Variants in SLC8B1 observed in about 807,000 individuals in gnomAD.
SLC8B1 encodes the protein mitochondrial sodium/calcium exchanger protein.
In SLC8B1, 52 loss-of-function variants were observed where a neutral mutation model predicts 63.4. The ratio of observed to expected loss-of-function variants is 0.82; its 90% CI spans 0.66 to 1.03. The LOEUF (loss-of-function observed/expected upper bound fraction) is 1.03, where lower values mean the gene tolerates loss of function less well. Ranked by LOEUF, SLC8B1 falls within the 50% of genes least tolerant of loss-of-function variation. The pLI is 0.00. For synonymous variants in SLC8B1, 336 were observed against 323.9 expected, an observed-to-expected ratio of 1.04 and a Z score of -0.40; for missense variants, 657 against 741.7, an observed-to-expected ratio of 0.89 and a Z score of 1.33.
At position 113,333,025 on chromosome 12, in the gene SLC8B1, C is replaced by A. The variant is rs892358838; in HGVS notation, c.-82-65G>T. 3.1e-6 allele frequency: 3 copies of A among 976,394 alleles called. No individual in the cohort carries two copies. The African/African-American group carries it at 4.9e-5, about 16-fold the overall frequency. 60.5% of individuals were successfully genotyped at this position (976,394 alleles called of 1,614,324 possible). A position where few individuals can be genotyped will look rare whatever the true frequency, so the allele number is the denominator to read the frequency against. The stretch of plus-strand genomic sequence containing the variant: ...AAACCCATGGACACAGCAAAAGGGG[C>A]TGGAAGACTCTAGTTAAGGAACTGC... On this transcript the variant is annotated intron_variant, in intron 1 of 15. Transcript: ENST00000680972.
In SLC8B1 at chr12:113,333,662, C is replaced by A. The variant is rs1359670879; in HGVS notation, c.-82-702G>T. On this transcript the variant is annotated intron_variant, in intron 1 of 15. Transcript: ENST00000680972. ...CTGGAAATGTCACCCCCCCGCCCCC[C>A]ACCCCACCCTGCACAGCAGGGAGAG... is the stretch of plus-strand genomic sequence containing the variant. Among the ~76,000 whole-genome samples, 4 of 152,108 alleles carry A rather than the reference C, an allele frequency of 2.6e-5. 1 individual carries two copies. The East Asian group carries it at 7.8e-4, about 30-fold the overall frequency.
At chr12:113,318,120 T>G in intron 8 of SLC8B1, among the ~76,000 whole-genome samples, 1 of 152,224 alleles carries the variant, frequency 6.6e-6, no homozygotes. Context: ...AAGTGTGTTG[T>G]GTATCTGTGT....
chr12:113,316,065 A>C (rs949999881), intron 10 of SLC8B1, among the ~76,000 whole-genome samples: 2 of 152,148 alleles, frequency 1.3e-5, no homozygotes, highest in Non-Finnish European at 1.5e-5. Flanking sequence ...TCTACTAAAA[A>C]TACAAAAAAT....
rs73192845 is a variant in SLC8B1 at position 113,299,462 on chromosome 12, C to G, written c.*315G>C. The G allele has an allele frequency of 8.6e-6, 3 of 347,828 alleles. No individual in the cohort carries two copies. Among genetic ancestry groups the G allele is most frequent in the Non-Finnish European group, 1.1e-5 (2 of 179,376 alleles). 21.5% of individuals were successfully genotyped at this position (347,828 alleles called of 1,614,324 possible). ...GGCCTGGAGCACATCCAGCCATCCC[C>G]TTCCCCCAAACTCCAGCCCTTCTCA... is the stretch of plus-strand genomic sequence containing the variant. On this transcript the variant is annotated 3_prime_UTR_variant, in exon 16 of 16. Coordinates refer to ENST00000680972, the MANE Select transcript of SLC8B1 (RefSeq NM_001358345.2).
Position 113,306,532 on chromosome 12 carries a change from C to T in SLC8B1, c.1455G>A (p.Arg485=), listed in dbSNP as rs1397174470. Residue 485 remains arginine (R), a synonymous_variant, in exon 14 of 16, where the codon CGG becomes CGA. Transcript: ENST00000680972. ...CGCCAAAGCAGGCGGAGAACGCCATCCGTGGGTAGCCCTGGCGAGCCAGTG... is the reference window on the plus strand; with the variant it reads ...CGCCAAAGCAGGCGGAGAACGCCATTCGTGGGTAGCCCTGGCGAGCCAGTG... ...DFTLARQGYP[R]MAFSACFGGI... is the part of the protein sequence containing the mutation. The T allele has an allele frequency of 1.2e-6, 2 of 1,613,940 alleles. No homozygotes were observed. Among genetic ancestry groups the T allele is most frequent in the South Asian group, 2.2e-5 (2 of 91,076 alleles).
At chr12:113,304,671 C>T (rs1041758671) in intron 14 of SLC8B1, among the ~76,000 whole-genome samples, 5 of 152,150 alleles carry the variant, frequency 3.3e-5, no homozygotes, top group East Asian at 1.9e-4. Flanking sequence ...GGTGTGAACA[C>T]GGCTCACTGC....
In SLC8B1 at chr12:113,303,843, A is replaced by G. The variant is rs116801883; in HGVS notation, c.1557+478T>C. On this transcript the variant is annotated intron_variant, in intron 15 of 15. Coordinates refer to ENST00000680972, the MANE Select transcript of SLC8B1 (RefSeq NM_001358345.2). ...GCTGGTGTCATCAATCTCATTTTAT[A>G]GGGGAGGAAATTGAGGCCCAGAGAT... is the stretch of plus-strand genomic sequence containing the variant. Among the ~76,000 whole-genome samples, 889 of 152,142 alleles carry G rather than the reference A, an allele frequency of 5.8e-3. 6 individuals are homozygous for G. The highest frequency in any genetic ancestry group is 0.02 in the African/African-American group (817 of 41,504).
rs1452078481 is a variant in SLC8B1, at chr12:113,334,988, CTTACCT to C, written c.-634_-629del. 1 of 152,328 alleles carries C rather than the reference CTTACCT, an allele frequency of 6.6e-6. No individual in the cohort carries two copies. The highest frequency in any genetic ancestry group is 2.4e-5 in the African/African-American group (1 of 41,476). The allele number at this position is 152,328 out of a possible 1,614,324, so 9.4% of individuals were successfully genotyped here. ...CGGCCGTGCGGGGAGGCGGCTCTTT[CTTACCT>C]CGGGCCGGGCCTGGGACCAGCAAAC... On this transcript the variant is annotated 5_prime_UTR_variant, in exon 1 of 16. Coordinates refer to ENST00000680972, the MANE Select transcript of SLC8B1 (RefSeq NM_001358345.2).
At chr12:113,303,465 A>G (rs773147297) in intron 15 of SLC8B1, among the ~76,000 whole-genome samples, 6 of 152,018 alleles carry the variant, frequency 3.9e-5, no homozygotes, top group Non-Finnish European at 7.4e-5. Flanking sequence ...GAGCTTTCCC[A>G]TGGCGAGGCT....
At chr12:113,306,808 G>C (rs994155930) in intron 13 of SLC8B1, 4 of 545,200 alleles carry the variant, frequency 7.3e-6, no homozygotes, top group Non-Finnish European at 1.3e-5. Flanking sequence ...CAACTTTGCA[G>C]GTGTGAAAAA....
At chr12:113,314,815 G>A (rs1956813085) in intron 11 of SLC8B1, among the ~76,000 whole-genome samples, 1 of 152,208 alleles carries the variant, frequency 6.6e-6, no homozygotes, top group Non-Finnish European at 1.5e-5. Context: ...ATTTGGCCCT[G>A]GGGTCACCTG....
chr12:113,330,294 T>TG (rs971462253), intron 2 of SLC8B1, among the ~76,000 whole-genome samples: 4 of 152,148 alleles, frequency 2.6e-5, no homozygotes, highest in Non-Finnish European at 4.4e-5. Flanking sequence ...GGTAAGGGGC[T>TG]GGGGGGGCCT....
chr12:113,302,636 T>C (rs1566221840), intron 15 of SLC8B1: 1 of 456,116 alleles, frequency 2.2e-6, no homozygotes, highest in East Asian at 6.9e-5. Flanking sequence ...AGACATGAGG[T>C]ACCGTGTGGG....
chr12:113,302,022 T>C (rs1956594669), intron 15 of SLC8B1: 1 of 152,240 alleles, frequency 6.6e-6, no homozygotes, highest in Non-Finnish European at 1.5e-5. Flanking sequence ...TCCCGTTCTC[T>C]AGAACTGGGG....
In SLC8B1 at chr12:113,306,527, G is replaced by A. The variant is rs990636941; in HGVS notation, c.1460C>T (p.Ala487Val). 1.2e-5 allele frequency: 19 copies of A among 1,613,602 alleles called. No individual in the cohort carries two copies. The African/African-American group carries it at 1.2e-4, about 10-fold the overall frequency. ...TLARQGYPRM[A>V]FSACFGGIIF... Reference sequence around the variant, plus strand: ...GATGCCGCCAAAGCAGGCGGAGAACGCCATCCGTGGGTAGCCCTGGCGAGC... The same window carrying A: ...GATGCCGCCAAAGCAGGCGGAGAACACCATCCGTGGGTAGCCCTGGCGAGC... Residue 487 changes from alanine to valine, a missense_variant, in exon 14 of 16, where the codon GCG becomes GTG. By Grantham distance (64) the Ala-to-Val change is moderately conservative. Transcript: ENST00000680972.
Position 113,316,633 on chromosome 12 carries a change from A to G in SLC8B1, c.886T>C (p.Phe296Leu), listed in dbSNP as rs774360124. The G allele has an allele frequency of 4.3e-6, 7 of 1,613,804 alleles. No individual in the cohort carries two copies. In the African/African-American group the frequency reaches 5.3e-5, roughly 12 times the overall value. The change falls in exon 10 of 16, where the codon TTC becomes CTC. Residue 296 changes from phenylalanine (F) to leucine (L), a missense_variant. Physicochemically the swap from Phe to Leu is conservative, Grantham distance 22. Coordinates refer to ENST00000680972, the MANE Select transcript of SLC8B1 (RefSeq NM_001358345.2). ...ATCTGAGCCGTGGTCTCCTGGTAGAAGAACAGCGGCCGGTACTCATCACCT... is the reference window on the plus strand; with the variant it reads ...ATCTGAGCCGTGGTCTCCTGGTAGAGGAACAGCGGCCGGTACTCATCACCT... ...DYGDEYRPLF[F>L]YQETTAQILV...
intron 8 of SLC8B1, among the ~76,000 whole-genome samples, chr12:113,318,205 G>A (rs1300569006): frequency 6.6e-6 from 1 of 151,666 alleles, no homozygotes; most frequent in East Asian, 1.9e-4. Flanking sequence ...GTATGTGCAT[G>A]TATTCATATA....
chr12:113,306,829 A>G (rs1956682081), intron 13 of SLC8B1: 1 of 540,238 alleles, frequency 1.9e-6, no homozygotes, highest in Non-Finnish European at 3.3e-6. Context: ...CGCGGCTACC[A>G]GCTGGGCACA....
intron 15 of SLC8B1, chr12:113,302,838 T>G (rs759563689): frequency 6.5e-5 from 26 of 400,542 alleles, no homozygotes; most frequent in Admixed American, 3.7e-4. Flanking sequence ...CCTCTAGACA[T>G]GTACATCAAT....
Sources: gnomAD v4.1 joint callset for allele counts (sites outside exome capture counted in the v4.1 genomes callset) on GRCh38, gnomAD v4.1.1 for gene constraint, MANE v1.5 for transcripts, NCBI Gene and HGNC (gene_info 2026-07-23, HGNC 2026-07-21) for gene names.